The following SRSF10 variants were observed in gnomAD, a reference collection of about 807,000 sequenced individuals.
SRSF10 encodes the protein serine/arginine-rich splicing factor 10.
In SRSF10, 9 loss-of-function variants were observed where a neutral mutation model predicts 32.6. The ratio of observed to expected loss-of-function variants is 0.28; its 90% CI spans 0.17 to 0.48. SRSF10 has a LOEUF of 0.48. Among genes scored for constraint, SRSF10 ranks in the 20% least tolerant of loss-of-function variants. The pLI, the probability that SRSF10 is intolerant of heterozygous loss-of-function variation, is 0.99. For missense variants in SRSF10, 201 were observed against 331.8 expected (o/e 0.61, Z 3.06); for synonymous variants, 105 against 112.4 (o/e 0.93, Z 0.42).
chr1:23,969,773 T>TA lies in SRSF10; in HGVS notation c.*1368dup. The TA allele has an allele frequency of 1.0e-6, 1 of 985,372 alleles. No individual in the cohort carries two copies. Among genetic ancestry groups the TA allele is most frequent in the East Asian group, 1.1e-4 (1 of 8,816 alleles). The allele number at this position is 985,372 out of a possible 1,614,324, so 61.0% of individuals were successfully genotyped here. On this transcript the variant is annotated 3_prime_UTR_variant, in exon 6 of 6. Transcript: ENST00000492112. The stretch of plus-strand genomic sequence containing the variant: ...CATTTTTAGTCAGGTACTACACTGA[T>TA]AATCGAAAGCTCAAAAGATGTGACT...
Position 23,975,056 on chromosome 1 carries a change from A to G in SRSF10, c.192T>C (p.Ala64=). Residue 64 remains alanine, a synonymous_variant, in exon 3 of 6, where the codon GCT becomes GCC. Transcript: ENST00000492112. ...AYVQFEDVRD[A]EDALHNLDRK... Reference sequence around the variant, plus strand: ...TGTCCAAATTATGTAAAGCGTCTTCAGCATCACGAACATCCTCAAATGTGC... The same window carrying G: ...TGTCCAAATTATGTAAAGCGTCTTCGGCATCACGAACATCCTCAAATGTGC... 2 of 1,614,030 alleles carry G rather than the reference A, an allele frequency of 1.2e-6. No homozygotes were observed. Among genetic ancestry groups the G allele is most frequent in the South Asian group, 1.1e-5 (1 of 91,070 alleles).
At chr1:23,972,335 G>A (rs1641809144) in intron 3 of SRSF10, among the ~76,000 whole-genome samples, 1 of 152,048 alleles carries the variant, frequency 6.6e-6, no homozygotes, top group Non-Finnish European at 1.5e-5. Context: ...CTCATGAGTT[G>A]GTGGCTGCAG....
Position 23,968,964 on chromosome 1 carries a change from A to G in SRSF10, c.*2178T>C, listed in dbSNP as rs1641592552. 2.9e-6 allele frequency: 1 copy of G among 345,116 alleles called. No homozygotes were observed. The highest frequency in any genetic ancestry group is 4.1e-6 in the Non-Finnish European group (1 of 244,938). 21.4% of individuals were successfully genotyped at this position (345,116 alleles called of 1,614,324 possible). A position where few individuals can be genotyped will look rare whatever the true frequency, so the allele number is the denominator to read the frequency against. The stretch of plus-strand genomic sequence containing the variant: ...GCAAGTTCTATCATTTCCAAAGTAA[A>G]AGTTAGTTGTGCCTAGTGCAACAAT... On this transcript the variant is annotated 3_prime_UTR_variant, in exon 6 of 6. Transcript: ENST00000492112.
rs1400229242 is a variant in SRSF10, at chr1:23,969,594, A to G, written c.*1548T>C. 27 of 985,168 alleles carry G rather than the reference A, an allele frequency of 2.7e-5. No individual in the cohort carries two copies. Among genetic ancestry groups the G allele is most frequent in the Non-Finnish European group, 2.3e-5 (19 of 829,794 alleles). 61.0% of individuals were successfully genotyped at this position (985,168 alleles called of 1,614,324 possible). ...CTCTAAAAGGAATCGTTTGTCCATA[A>G]TTCGTACTTGTATCTGTAAGCAAGC... On this transcript the variant is annotated 3_prime_UTR_variant, in exon 6 of 6. Transcript: ENST00000492112.
In SRSF10 at chr1:23,974,283, T is replaced by G. The variant is rs368090419; in HGVS notation, c.274+691A>C. Among the ~76,000 whole-genome samples, 124 of 152,274 alleles carry G rather than the reference T, an allele frequency of 8.1e-4. 1 individual carries two copies. The highest frequency in any genetic ancestry group is 3.0e-3 in the African/African-American group (124 of 41,540). On this transcript the variant is annotated intron_variant, in intron 3 of 5. Transcript: ENST00000492112. ...CCCTGCGGTTATTTTAATCTCTTAA[T>G]TAGTATCTTGCCCAAGGTAACATAA...
intron 2 of SRSF10, 128 bp from the exon 3 acceptor site, chr1:23,975,205 C>A: frequency 1.3e-6 from 1 of 748,444 alleles, no homozygotes. Flanking sequence ...CCCCCACTTA[C>A]TAGTTGGTGA....
In SRSF10 at chr1:23,966,756, TAC is replaced by T. The variant is rs1363641272; in HGVS notation, c.*4384_*4385del. ...GTCACTGCACAATAAACCAGTTTATTACAGATTAAATCATTTTTTCATTATTT... is the reference window on the plus strand; with the variant it reads ...GTCACTGCACAATAAACCAGTTTATTAGATTAAATCATTTTTTCATTATTT... On this transcript the variant is annotated 3_prime_UTR_variant, in exon 6 of 6. Coordinates refer to ENST00000492112, the MANE Select transcript of SRSF10 (RefSeq NM_054016.4). 1.3e-5 allele frequency: 2 copies of T among 152,078 alleles called. No individual in the cohort carries two copies. 9.4% of individuals were successfully genotyped at this position (152,078 alleles called of 1,614,324 possible). A position where few individuals can be genotyped will look rare whatever the true frequency, so the allele number is the denominator to read the frequency against.
In SRSF10 at chr1:23,969,178, G is replaced by T; in HGVS notation, c.*1964C>A. ...TTGATCCAAACATTGATGTTTTAAA[G>T]GTTGTACACAATATTTGTTAAAAAG... is the stretch of plus-strand genomic sequence containing the variant. On this transcript the variant is annotated 3_prime_UTR_variant, in exon 6 of 6. Coordinates refer to ENST00000492112, the MANE Select transcript of SRSF10 (RefSeq NM_054016.4). 1 of 984,888 alleles carries T rather than the reference G, an allele frequency of 1.0e-6. No individual in the cohort carries two copies. Among genetic ancestry groups the T allele is most frequent in the Non-Finnish European group, 1.2e-6 (1 of 829,150 alleles). The allele number at this position is 984,888 out of a possible 1,614,324, so 61.0% of individuals were successfully genotyped here.
At position 23,968,823 on chromosome 1, in the gene SRSF10, CACTACCA is replaced by C. The variant is rs1641586120; in HGVS notation, c.*2312_*2318del. Reference sequence around the variant, plus strand: ...TTAGCTGATCCAAATTTCATCTTAACACTACCAAATAACCTCTTAAGTTAGTTAACCC... The same window carrying C: ...TTAGCTGATCCAAATTTCATCTTAACAATAACCTCTTAAGTTAGTTAACCC... On this transcript the variant is annotated 3_prime_UTR_variant, in exon 6 of 6. Coordinates refer to ENST00000492112, the MANE Select transcript of SRSF10 (RefSeq NM_054016.4). 6.6e-6 allele frequency among the ~76,000 whole-genome samples: 1 copy of C among 152,114 alleles called. No homozygotes were observed. Among genetic ancestry groups the C allele is most frequent in the African/African-American group, 2.4e-5 (1 of 41,446 alleles).
At chr1:23,973,093 TG>T (rs1381368998) in intron 3 of SRSF10, among the ~76,000 whole-genome samples, 1 of 152,194 alleles carries the variant, frequency 6.6e-6, no homozygotes, top group Admixed American at 6.5e-5. Context: ...GAGATGCAGA[TG>T]CAGAACGTGA....
At chr1:23,976,258 A>C (rs1469815195) in intron 2 of SRSF10, 6 of 152,176 alleles carry the variant, frequency 3.9e-5, no homozygotes, top group Non-Finnish European at 7.3e-5. Context: ...TCCTTTTTTG[A>C]GACCGATACT....
In SRSF10 at chr1:23,967,739, G is replaced by A; in HGVS notation, c.*3403C>T. 6.2e-7 allele frequency: 1 copy of A among 1,611,404 alleles called. No homozygotes were observed. Among genetic ancestry groups the A allele is most frequent in the South Asian group, 1.1e-5 (1 of 90,970 alleles). The stretch of plus-strand genomic sequence containing the variant: ...GCAGTTTGGTCTTAAATAAAAGAAG[G>A]ATGTTTGTCAGTTTGGTTTCCTTTA... On this transcript the variant is annotated 3_prime_UTR_variant, in exon 6 of 6. Transcript: ENST00000492112.
At chr1:23,977,109 T>A (rs1365939629) in intron 2 of SRSF10, 3 of 152,214 alleles carry the variant, frequency 2.0e-5, no homozygotes, top group African/African-American at 7.2e-5. Context: ...TAATGGAGCT[T>A]TGCAACCAAT....
chr1:23,976,248 TC>T (rs1452538463), intron 2 of SRSF10: 57 of 152,290 alleles, frequency 3.7e-4, no homozygotes, highest in African/African-American at 1.2e-3. Context: ...AGTGACACAC[TC>T]CTTTTTTGAG....
chr1:23,972,023 C>A lies in SRSF10; in HGVS notation c.275-11G>T. Reference sequence around the variant, plus strand: ...TCATCTGATTTGGTGCTAGGAAATACAAAGAACAGAAATATTTAAAAATAT... The same window carrying A: ...TCATCTGATTTGGTGCTAGGAAATAAAAAGAACAGAAATATTTAAAAATAT... On this transcript the variant is annotated splice_polypyrimidine_tract_variant and intron_variant, in intron 3 of 5. Transcript: ENST00000492112. The A allele has an allele frequency of 6.8e-7, 1 of 1,470,038 alleles. No homozygotes were observed. The highest frequency in any genetic ancestry group is 9.0e-7 in the Non-Finnish European group (1 of 1,114,628). The allele number at this position is 1,470,038 out of a possible 1,614,324, so 91.1% of individuals were successfully genotyped here.
At position 23,971,184 on chromosome 1, in the gene SRSF10, A is replaced by G. The variant is rs748476561; in HGVS notation, c.747T>C (p.Ser249=). Residue 249 remains serine (S), a synonymous_variant, in exon 6 of 6, where the codon TCT becomes TCC. Transcript: ENST00000492112. ...SRSQSRSRSK[S]RSRSWTSPKS... ...TAGGACTAGTCCAAGACCTTGATCT[A>G]GATTTTGACCTAGACCTAGACTGTG... The G allele has an allele frequency of 3.3e-3, 5,273 of 1,613,228 alleles. 16 individuals are homozygous for G. Among genetic ancestry groups the G allele is most frequent in the Non-Finnish European group, 4.0e-3 (4,747 of 1,179,924 alleles).
chr1:23,980,165 G>T (rs948196659), intron 1 of SRSF10, 26 bp downstream of exon 1: 2 of 1,531,798 alleles, frequency 1.3e-6, no homozygotes, highest in East Asian at 2.6e-5. Context: ...CCCCGCCTAG[G>T]CCCGGAGTAC....
Position 23,966,875 on chromosome 1 carries a change from T to C in SRSF10, c.*4267A>G, listed in dbSNP as rs1464916182. On this transcript the variant is annotated 3_prime_UTR_variant, in exon 6 of 6. Transcript: ENST00000492112. Reference sequence around the variant, plus strand: ...TCGTATATTGTGTTCTATAATTACATTGATACGAATGGTGTAAAATATTGT... The same window carrying C: ...TCGTATATTGTGTTCTATAATTACACTGATACGAATGGTGTAAAATATTGT... 2 of 152,090 alleles carry C rather than the reference T, an allele frequency of 1.3e-5. No individual in the cohort carries two copies. Among genetic ancestry groups the C allele is most frequent in the African/African-American group, 4.8e-5 (2 of 41,428 alleles). The allele number at this position is 152,090 out of a possible 1,614,324, so 9.4% of individuals were successfully genotyped here. A position where few individuals can be genotyped will look rare whatever the true frequency, so the allele number is the denominator to read the frequency against.
Position 23,968,540 on chromosome 1 carries a change from CAT to C in SRSF10, c.*2600_*2601del, listed in dbSNP as rs1641571532. On this transcript the variant is annotated 3_prime_UTR_variant, in exon 6 of 6. Coordinates refer to ENST00000492112, the MANE Select transcript of SRSF10 (RefSeq NM_054016.4). ...AGGTTTTGTGAAGAGTGAGTTAACA[CAT>C]AGCCTTTTCAAGTGTCTGGCACATC... 6.6e-6 allele frequency among the ~76,000 whole-genome samples: 1 copy of C among 151,786 alleles called. No homozygotes were observed. Among genetic ancestry groups the C allele is most frequent in the East Asian group, 1.9e-4 (1 of 5,188 alleles).
Sources: gnomAD v4.1 joint callset for allele counts (sites outside exome capture counted in the v4.1 genomes callset) on GRCh38, gnomAD v4.1.1 for gene constraint, MANE v1.5 for transcripts, NCBI Gene and HGNC (gene_info 2026-07-23, HGNC 2026-07-21) for gene names.